Variants in SUSD5 observed in about 807,000 individuals in gnomAD.
The protein encoded by SUSD5 is sushi domain-containing protein 5.
A neutral mutation model predicts 29.5 loss-of-function variants in SUSD5; 33 were observed. That is an observed-to-expected ratio of 1.12 (90% CI 0.85 to 1.49). The LOEUF is 1.49. SUSD5 is among the 40% of genes most tolerant of loss of function. The pLI, the probability that SUSD5 is intolerant of heterozygous loss-of-function variation, is 0.00. For missense variants in SUSD5, 776 were observed against 800.6 expected, an observed-to-expected ratio of 0.97 and a Z score of 0.37; for synonymous variants, 308 against 325.3, an observed-to-expected ratio of 0.95 and a Z score of 0.57.
chr3:33,153,894 T>A lies in SUSD5; in HGVS notation c.738A>T (p.Lys246Asn). 1 of 1,614,046 alleles carries A rather than the reference T, an allele frequency of 6.2e-7. No homozygotes were observed. Among genetic ancestry groups the A allele is most frequent in the Non-Finnish European group, 8.5e-7 (1 of 1,179,892 alleles). ...CAGAAATGGAGACCAGACGGTCCTG[T>A]TTTGGAGCCTCCTCAGAGGAGTCTC... ...GQGDSSEEAP[K>N]QDRLVSISVG... Residue 246 changes from lysine to asparagine, a missense_variant, in exon 5 of 5, where the codon AAA becomes AAT. Transcript: ENST00000309558.
Position 33,152,652 on chromosome 3 carries a change from C to T in SUSD5, c.*90G>A. Reference sequence around the variant, plus strand: ...GAGGAAAAAATGATGAGCCTCAGTCCACCTGCGTCATGCTCTAGTGAATTA... The same window carrying T: ...GAGGAAAAAATGATGAGCCTCAGTCTACCTGCGTCATGCTCTAGTGAATTA... On this transcript the variant is annotated 3_prime_UTR_variant, in exon 5 of 5. Coordinates refer to ENST00000309558, the MANE Select transcript of SUSD5 (RefSeq NM_015551.2). 5 of 1,355,696 alleles carry T rather than the reference C, an allele frequency of 3.7e-6. No individual in the cohort carries two copies. The South Asian group carries it at 4.4e-5, about 12-fold the overall frequency. The allele number at this position is 1,355,696 out of a possible 1,614,324, so 84.0% of individuals were successfully genotyped here. A position where few individuals can be genotyped will look rare whatever the true frequency, so the allele number is the denominator to read the frequency against.
At chr3:33,209,038 A>ATGT (rs2032273962) in intron 2 of SUSD5, among the ~76,000 whole-genome samples, 2 of 152,124 alleles carry the variant, frequency 1.3e-5, no homozygotes, top group Non-Finnish European at 2.9e-5. Context: ...CTGTCTGAAA[A>ATGT]CGTCTTTATT....
In SUSD5 at chr3:33,211,616, C is replaced by G. The variant is rs191816392; in HGVS notation, c.290+2312G>C. 1.3e-3 allele frequency among the ~76,000 whole-genome samples: 196 copies of G among 152,306 alleles called. 6 individuals are homozygous for G. In the East Asian group the frequency reaches 0.031, roughly 24 times the overall value. On this transcript the variant is annotated intron_variant, in intron 2 of 4. Coordinates refer to ENST00000309558, the MANE Select transcript of SUSD5 (RefSeq NM_015551.2). ...ACATGAGTCAGCATGGCTATGTTTT[C>G]TATGGCCACTCGCCAGCCAGACATC... is the stretch of plus-strand genomic sequence containing the variant.
At chr3:33,155,741 G>GA (rs1327683061) in intron 4 of SUSD5, among the ~76,000 whole-genome samples, 1 of 152,124 alleles carries the variant, frequency 6.6e-6, no homozygotes, top group African/African-American at 2.4e-5. Flanking sequence ...CAAAATAGAT[G>GA]AATTGCATGG....
intron 3 of SUSD5, among the ~76,000 whole-genome samples, chr3:33,180,577 A>G (rs1476320096): frequency 6.6e-6 from 1 of 152,144 alleles, no homozygotes; most frequent in African/African-American, 2.4e-5. Context: ...CTGTAATCCC[A>G]ACACTTTGGA....
At chr3:33,197,693 T>G (rs1275171737) in intron 3 of SUSD5, among the ~76,000 whole-genome samples, 2 of 152,228 alleles carry the variant, frequency 1.3e-5, no homozygotes, top group Admixed American at 6.5e-5. Context: ...TTACCTTTTC[T>G]AGAATTTCAT....
In SUSD5 at chr3:33,150,787, T is replaced by C. The variant is rs1236331023; in HGVS notation, c.*1955A>G. On this transcript the variant is annotated 3_prime_UTR_variant, in exon 5 of 5. Coordinates refer to ENST00000309558, the MANE Select transcript of SUSD5 (RefSeq NM_015551.2). ...TAGAAAACATGTTGCGAATGTTTTT[T>C]TTCCTTAGGTAAAACACCACCAACA... 1 of 152,210 alleles carries C rather than the reference T, an allele frequency of 6.6e-6. No individual in the cohort carries two copies. The highest frequency in any genetic ancestry group is 1.9e-4 in the East Asian group (1 of 5,196). 9.4% of individuals were successfully genotyped at this position (152,210 alleles called of 1,614,324 possible).
intron 2 of SUSD5, among the ~76,000 whole-genome samples, chr3:33,211,277 A>C (rs951606611): frequency 5.9e-5 from 9 of 152,242 alleles, no homozygotes; most frequent in Non-Finnish European, 1.0e-4. Flanking sequence ...AACCTACAGA[A>C]GATGGACCTT....
intron 4 of SUSD5, among the ~76,000 whole-genome samples, chr3:33,154,749 T>C (rs4258905): frequency 0.04 from 6,115 of 152,176 alleles, 186 homozygotes; most frequent in Non-Finnish European, 0.059. Flanking sequence ...TGGAATGATA[T>C]AAGACATTGC....
chr3:33,207,237 G>C (rs888772298), intron 3 of SUSD5, among the ~76,000 whole-genome samples: 1 of 152,144 alleles, frequency 6.6e-6, no homozygotes, highest in Non-Finnish European at 1.5e-5. Context: ...CCAATATGAA[G>C]AGAGACTGGA....
intron 4 of SUSD5, among the ~76,000 whole-genome samples, chr3:33,164,514 A>T (rs1400565568): frequency 1.3e-5 from 2 of 152,154 alleles, no homozygotes; most frequent in Non-Finnish European, 2.9e-5. Context: ...CAATTTTTTT[A>T]AAAAGGGAAG....
Position 33,151,441 on chromosome 3 carries a change from A to G in SUSD5, c.*1301T>C, listed in dbSNP as rs1273323898. 1 of 152,250 alleles carries G rather than the reference A, an allele frequency of 6.6e-6. No homozygotes were observed. Among genetic ancestry groups the G allele is most frequent in the Non-Finnish European group, 1.5e-5 (1 of 68,060 alleles). The allele number at this position is 152,250 out of a possible 1,614,324, so 9.4% of individuals were successfully genotyped here. A position where few individuals can be genotyped will look rare whatever the true frequency, so the allele number is the denominator to read the frequency against. On this transcript the variant is annotated 3_prime_UTR_variant, in exon 5 of 5. Coordinates refer to ENST00000309558, the MANE Select transcript of SUSD5 (RefSeq NM_015551.2). ...AGAGCTCCCAGTTTCCACACTAGAG[A>G]ACAGATCAGCACAGATCATTTCATA...
chr3:33,156,134 G>A (rs1476114786), intron 4 of SUSD5, among the ~76,000 whole-genome samples: 2 of 151,440 alleles, frequency 1.3e-5, no homozygotes, highest in South Asian at 2.1e-4. Context: ...TCCGCCTCCC[G>A]GGTTCAAGCG....
At chr3:33,170,030 G>A (rs1348674425) in intron 4 of SUSD5, among the ~76,000 whole-genome samples, 1 of 151,924 alleles carries the variant, frequency 6.6e-6, no homozygotes, top group Non-Finnish European at 1.5e-5. Context: ...CAATTCTCCT[G>A]CCTCAGCCTC....
chr3:33,158,392 G>A (rs766440378), intron 4 of SUSD5, among the ~76,000 whole-genome samples: 2 of 152,150 alleles, frequency 1.3e-5, no homozygotes, highest in African/African-American at 4.8e-5. Flanking sequence ...GCAAATCGCT[G>A]CCACAGCCTG....
chr3:33,203,967 T>A (rs1323941835), intron 3 of SUSD5, among the ~76,000 whole-genome samples: 1 of 152,106 alleles, frequency 6.6e-6, no homozygotes, highest in African/African-American at 2.4e-5. Flanking sequence ...CAGGCTGGAG[T>A]GCAGTGGCAT....
intron 3 of SUSD5, among the ~76,000 whole-genome samples, chr3:33,175,304 G>C (rs188205509): frequency 6.6e-6 from 1 of 152,134 alleles, no homozygotes; most frequent in South Asian, 2.1e-4. Context: ...ATAAAGTGCT[G>C]CAACTTTGCA....
intron 3 of SUSD5, among the ~76,000 whole-genome samples, chr3:33,201,666 T>A (rs2032119578): frequency 6.6e-6 from 1 of 152,128 alleles, no homozygotes; most frequent in African/African-American, 2.4e-5. Context: ...CACTGCTTAC[T>A]GTGATGGGGA....
chr3:33,173,184 G>A (rs6793960), intron 4 of SUSD5, among the ~76,000 whole-genome samples: 111,215 of 152,152 alleles, frequency 0.73, 41,033 homozygotes, highest in South Asian at 0.92. Context: ...TGAATATTAC[G>A]ACTACAAATC....
Sources: allele counts gnomAD v4.1 joint callset (sites outside exome capture counted in the v4.1 genomes callset), GRCh38; gene constraint gnomAD v4.1.1; transcripts MANE v1.5; gene names NCBI Gene and HGNC (gene_info 2026-07-23, HGNC 2026-07-21).